The following UBAC2 variants were observed in gnomAD, a reference collection of about 807,000 sequenced individuals.
UBAC2 encodes the protein ubiquitin-associated domain-containing protein 2.
Under a neutral mutation model 44.0 loss-of-function variants are expected in UBAC2, and 26 were observed. That is an observed-to-expected ratio of 0.59 (90% CI 0.43 to 0.82). The LOEUF is 0.82. Ranked by LOEUF, UBAC2 falls within the 40% of genes least tolerant of loss-of-function variation. UBAC2 has a pLI of 0.00. For synonymous variants in UBAC2, 155 were observed against 154.3 expected (o/e 1.00, Z -0.04); for missense variants, 329 against 419.4 (o/e 0.78, Z 1.88).
At chr13:99,226,044 C>G (rs1280243741) in intron 1 of UBAC2, among the ~76,000 whole-genome samples, 2 of 152,154 alleles carry the variant, frequency 1.3e-5, no homozygotes, top group African/African-American at 4.8e-5. Context: ...GTTTTCATAG[C>G]AGGACTTCAT....
intron 4 of UBAC2, among the ~76,000 whole-genome samples, chr13:99,283,789 C>T (rs1036717271): frequency 9.2e-5 from 11 of 119,066 alleles, no homozygotes; most frequent in Non-Finnish European, 1.8e-4. Flanking sequence ...GGCCAGAGTG[C>T]AGTGGTGCTA....
At chr13:99,377,397 G>A (rs775729105) in intron 8 of UBAC2, 2 of 152,190 alleles carry the variant, frequency 1.3e-5, no homozygotes, top group Non-Finnish European at 2.9e-5. Flanking sequence ...ATGTTAGATC[G>A]GATCAGGTGC....
At chr13:99,232,399 G>GAGATATATATATATATAT (rs1367302629) in intron 1 of UBAC2, among the ~76,000 whole-genome samples, 28 of 109,954 alleles carry the variant, frequency 2.5e-4, no homozygotes, top group Non-Finnish European at 4.9e-4. Context: ...TTAGTTGAGA[G>GAGATATATATATATATAT]ATATAGATAT....
At chr13:99,334,067 C>T (rs1473379327) in intron 6 of UBAC2, among the ~76,000 whole-genome samples, 1 of 152,164 alleles carries the variant, frequency 6.6e-6, no homozygotes, top group East Asian at 1.9e-4. Flanking sequence ...CCACATCAGC[C>T]TTCCAAGTAT....
In UBAC2 at chr13:99,366,350, T is replaced by C. The variant is rs551214945; in HGVS notation, c.808-1437T>C. Among the ~76,000 whole-genome samples, 14 of 152,318 alleles carry C rather than the reference T, an allele frequency of 9.2e-5. No individual in the cohort carries two copies. In the South Asian group the frequency reaches 2.5e-3, roughly 27 times the overall value. On this transcript the variant is annotated intron_variant, in intron 7 of 8. Transcript: ENST00000403766. ...TTGTGGATTTTGTGGTTTTGAATTC[T>C]GAGTTTTTCCCCACTGGAGCTTTAA...
At chr13:99,246,339 G>A (rs777876713) in intron 4 of UBAC2, among the ~76,000 whole-genome samples, 6 of 152,212 alleles carry the variant, frequency 3.9e-5, no homozygotes, top group Non-Finnish European at 8.8e-5. Context: ...AGACTGAGAA[G>A]TTAAAGTTGA....
rs1364004229 is a variant in UBAC2, at chr13:99,351,560, G to A, written c.807+10995G>A. 4 of 456,630 alleles carry A rather than the reference G, an allele frequency of 8.8e-6. No individual in the cohort carries two copies. In the Admixed American group the frequency reaches 9.4e-5, roughly 11 times the overall value. The allele number at this position is 456,630 out of a possible 1,614,324, so 28.3% of individuals were successfully genotyped here. A position where few individuals can be genotyped will look rare whatever the true frequency, so the allele number is the denominator to read the frequency against. ...AAAGTAACCTTTTACCTGGAAATGT[G>A]AATTCTCTCTTAGTTCTGGTCATCT... On this transcript the variant is annotated intron_variant, in intron 7 of 8. Coordinates refer to ENST00000403766, the MANE Select transcript of UBAC2 (RefSeq NM_001144072.2).
chr13:99,230,423 C>A (rs1840265131), intron 1 of UBAC2, among the ~76,000 whole-genome samples: 1 of 151,876 alleles, frequency 6.6e-6, no homozygotes, highest in African/African-American at 2.4e-5. Context: ...GAGCTGAGAT[C>A]ACGCCACTGC....
chr13:99,349,953 G>A (rs1318393827), intron 7 of UBAC2, among the ~76,000 whole-genome samples: 3 of 152,096 alleles, frequency 2.0e-5, no homozygotes, highest in Non-Finnish European at 2.9e-5. Flanking sequence ...TAAGTAATGG[G>A]TGTCTTCGCA....
chr13:99,368,698 T>A (rs953950689), intron 8 of UBAC2, among the ~76,000 whole-genome samples: 7 of 151,008 alleles, frequency 4.6e-5, no homozygotes, highest in African/African-American at 1.7e-4. Flanking sequence ...AGTGTGTGTG[T>A]GTGTGTGTGT....
At chr13:99,357,175 GCA>G (rs1412604617) in intron 7 of UBAC2, among the ~76,000 whole-genome samples, 19 of 152,254 alleles carry the variant, frequency 1.2e-4, no homozygotes, top group African/African-American at 4.3e-4. Context: ...CCAGTATTCA[GCA>G]CAGTGACTTG....
intron 6 of UBAC2, among the ~76,000 whole-genome samples, chr13:99,337,138 C>T (rs1033002344): frequency 6.6e-6 from 1 of 152,140 alleles, no homozygotes; most frequent in African/African-American, 2.4e-5. Flanking sequence ...TTTTAAAATG[C>T]AAACCTTAAA....
intron 4 of UBAC2, chr13:99,255,079 T>C (rs766951793): frequency 6.2e-6 from 10 of 1,614,018 alleles, no homozygotes; most frequent in African/African-American, 1.3e-5. Context: ...TCCCCAGGGA[T>C]TGTAACTGTT....
At chr13:99,316,744 T>C (rs2138772960) in intron 5 of UBAC2, among the ~76,000 whole-genome samples, 1 of 152,306 alleles carries the variant, frequency 6.6e-6, no homozygotes, top group African/African-American at 2.4e-5. Flanking sequence ...AATGATACGC[T>C]CTTTTTACTT....
intron 4 of UBAC2, among the ~76,000 whole-genome samples, chr13:99,278,039 C>T (rs2043906722): frequency 1.3e-5 from 2 of 152,178 alleles, no homozygotes; most frequent in African/African-American, 2.4e-5. Context: ...CTTACCTTCT[C>T]CATGTTTTCC....
At chr13:99,355,724 G>A (rs1346799842) in intron 7 of UBAC2, among the ~76,000 whole-genome samples, 1 of 152,266 alleles carries the variant, frequency 6.6e-6, no homozygotes, top group Admixed American at 6.5e-5. Flanking sequence ...ACGAGAGCCA[G>A]GACGCAGGCC....
chr13:99,323,712 C>T (rs1464404740), intron 6 of UBAC2, among the ~76,000 whole-genome samples: 2 of 152,218 alleles, frequency 1.3e-5, no homozygotes, highest in Non-Finnish European at 2.9e-5. Context: ...ACCTTTCCCA[C>T]TCCTGACCAC....
At chr13:99,244,685 T>C in intron 4 of UBAC2, 61 bp downstream of exon 4, 1 of 999,096 alleles carries the variant, frequency 1.0e-6, no homozygotes, top group Non-Finnish European at 1.5e-6. Flanking sequence ...TAAAGTGTTA[T>C]TATTATTATG....
chr13:99,214,465 G>C (rs951837865), intron 1 of UBAC2, among the ~76,000 whole-genome samples: 6 of 152,068 alleles, frequency 3.9e-5, no homozygotes, highest in African/African-American at 1.4e-4. Flanking sequence ...AATATGAATA[G>C]GCTGGTTTGC....
Sources: gnomAD v4.1 joint callset for allele counts (sites outside exome capture counted in the v4.1 genomes callset) on GRCh38, gnomAD v4.1.1 for gene constraint, MANE v1.5 for transcripts, NCBI Gene and HGNC (gene_info 2026-07-23, HGNC 2026-07-21) for gene names.